Variants in HKDC1 observed in about 807,000 individuals in gnomAD.
The protein encoded by HKDC1 is hexokinase domain containing 1.
In HKDC1, 66 loss-of-function variants were observed where a neutral mutation model predicts 96.6. The ratio of observed to expected loss-of-function variants is 0.68; its 90% CI spans 0.56 to 0.84. HKDC1 has a LOEUF of 0.84. Ranked by LOEUF, HKDC1 falls within the 40% of genes least tolerant of loss-of-function variation. The probability of loss-of-function intolerance (pLI) is 0.00; values close to 1 mark genes in which losing one functional copy is unlikely to be tolerated. For synonymous variants in HKDC1, 466 were observed against 473.1 expected (o/e 0.98, Z 0.20); for missense variants, 1,211 against 1,208.1 (o/e 1.00, Z -0.04).
Position 69,248,731 on chromosome 10 carries a change from G to A in HKDC1, c.1570+3G>A. The A allele has an allele frequency of 6.3e-7, 1 of 1,593,912 alleles. No homozygotes were observed. The highest frequency in any genetic ancestry group is 8.6e-7 in the Non-Finnish European group (1 of 1,167,058). On this transcript the variant is annotated splice_donor_region_variant and intron_variant, in intron 10 of 17. Coordinates refer to ENST00000354624, the MANE Select transcript of HKDC1 (RefSeq NM_025130.4). ...CTGCGGGCTGCCGGACGGCACAGGT[G>A]GGCCAGCACAGCCTCCCTCTCTGAA...
intron 7 of HKDC1, among the ~76,000 whole-genome samples, chr10:69,245,570 CAATAATAATAATAAT>C (rs10646729): frequency 1.2e-3 from 170 of 139,386 alleles, no homozygotes; most frequent in Non-Finnish European, 1.6e-3. Context: ...ATCCTGTCTC[CAATAATAATAATAAT>C]AATAATAATA....
chr10:69,236,962 C>T (rs1396188893), intron 4 of HKDC1, among the ~76,000 whole-genome samples: 1 of 152,124 alleles, frequency 6.6e-6, no homozygotes, highest in African/African-American at 2.4e-5. Flanking sequence ...AATGTGGCCT[C>T]ATCTGGCAAA....
Position 69,258,949 on chromosome 10 carries a change from G to A in HKDC1, c.2206G>A (p.Gly736Ser), listed in dbSNP as rs941849531. ...GGTGGATGAGGGGTCCTTGAATCCT[G>A]GCAAGCAGAGGTGAAGAGGGTGGAT... is the stretch of plus-strand genomic sequence containing the variant. The part of the protein sequence containing the change: ...TEVDEGSLNP[G>S]KQRYEKMTSG... The change falls in exon 15 of 18, where the codon GGC becomes AGC. Residue 736 changes from glycine (G) to serine (S), a missense_variant. Gly to Ser is a moderately conservative substitution (Grantham distance 56). Coordinates refer to ENST00000354624, the MANE Select transcript of HKDC1 (RefSeq NM_025130.4). 9 of 1,576,708 alleles carry A rather than the reference G, an allele frequency of 5.7e-6. No individual in the cohort carries two copies. The highest frequency in any genetic ancestry group is 7.7e-6 in the Non-Finnish European group (9 of 1,163,080).
rs1013856901 is a variant in HKDC1, at chr10:69,265,688, T to C, written c.2476T>C (p.Ser826Pro). 2 of 1,613,492 alleles carry C rather than the reference T, an allele frequency of 1.2e-6. No individual in the cohort carries two copies. The highest frequency in any genetic ancestry group is 8.5e-7 in the Non-Finnish European group (1 of 1,179,870). Residue 826 changes from serine (S) to proline (P), a missense_variant, in exon 17 of 18, where the codon TCC becomes CCC. By Grantham distance (74) the Ser-to-Pro change is moderately conservative. Coordinates refer to ENST00000354624, the MANE Select transcript of HKDC1 (RefSeq NM_025130.4). Reference sequence around the variant, plus strand: ...GGTGAAGGAGGTGTGCGGAGCCGTGTCCCGGCGGGCGGCCCAGCTCTGCGG... The same window carrying C: ...GGTGAAGGAGGTGTGCGGAGCCGTGCCCCGGCGGGCGGCCCAGCTCTGCGG... ...IVVKEVCGAV[S>P]RRAAQLCGAG...
rs1418714598 is a variant in HKDC1, at chr10:69,250,404, C to T, written c.1685C>T (p.Pro562Leu). 5 of 1,613,956 alleles carry T rather than the reference C, an allele frequency of 3.1e-6. No individual in the cohort carries two copies. The highest frequency in any genetic ancestry group is 3.4e-6 in the Non-Finnish European group (4 of 1,179,826). Reference sequence around the variant, plus strand: ...ATGTACAACAAGATCTTCGCCATCCCCCTGGAGATCATGCAGGGCACTGGT... The same window carrying T: ...ATGTACAACAAGATCTTCGCCATCCTCCTGGAGATCATGCAGGGCACTGGT... ...VRMYNKIFAIPLEIMQGTGEE... is the reference protein window; with the variant it reads ...VRMYNKIFAILLEIMQGTGEE... The change falls in exon 11 of 18, where the codon CCC (proline) becomes CTC (leucine). Residue 562 changes from proline to leucine, a missense_variant. Coordinates refer to ENST00000354624, the MANE Select transcript of HKDC1 (RefSeq NM_025130.4).
In HKDC1 at chr10:69,261,166, C is replaced by G. The variant is rs759710449; in HGVS notation, c.2244C>G (p.Tyr748Ter). 6 of 1,613,916 alleles carry G rather than the reference C, an allele frequency of 3.7e-6. No homozygotes were observed. The highest frequency in any genetic ancestry group is 1.7e-5 in the Admixed American group (1 of 59,982). Residue 748 changes from tyrosine (Y) to a stop codon, truncating the protein, a stop_gained, in exon 16 of 18, where the codon TAC becomes TAG. Coordinates refer to ENST00000354624, the MANE Select transcript of HKDC1 (RefSeq NM_025130.4). LOFTEE classifies it high-confidence loss of function. ...ACGAGAAAATGACCAGTGGGATGTA[C>G]TTGGGGGAGATTGTGCGGCAGATCC... ...QRYEKMTSGMYLGEIVRQILI... is the reference protein window; with the variant it reads ...QRYEKMTSGM
At chr10:69,230,145 G>T (rs1983127) in intron 2 of HKDC1, among the ~76,000 whole-genome samples, 59,398 of 152,104 alleles carry the variant, frequency 0.39, 12,382 homozygotes, top group East Asian at 0.82. Context: ...TCAGGGGGCT[G>T]CAGTGGTCTG....
intron 2 of HKDC1, among the ~76,000 whole-genome samples, 170 bp downstream of exon 2, chr10:69,227,539 T>C (rs1231376154): frequency 6.7e-6 from 1 of 149,056 alleles, no homozygotes; most frequent in African/African-American, 2.4e-5. Flanking sequence ...CTTGCAGTTC[T>C]GCAGTTCTGC....
At chr10:69,266,503 G>A (rs1474478853) in intron 17 of HKDC1, 107 bp from the exon 18 acceptor site, 21 of 1,172,042 alleles carry the variant, frequency 1.8e-5, no homozygotes, top group Non-Finnish European at 2.4e-5. Flanking sequence ...TTAGAGCCTT[G>A]AAAAGCAAAC....
Position 69,265,597 on chromosome 10 carries a change from C to A in HKDC1, c.2385C>A (p.Ala795=). The A allele has an allele frequency of 2.5e-6, 4 of 1,613,528 alleles. No homozygotes were observed. Among genetic ancestry groups the A allele is most frequent in the Non-Finnish European group, 2.5e-6 (3 of 1,179,880 alleles). The change falls in exon 17 of 18, where the codon GCC becomes GCA. Residue 795 remains alanine (A), a synonymous_variant. Coordinates refer to ENST00000354624, the MANE Select transcript of HKDC1 (RefSeq NM_025130.4). The part of the protein sequence containing the change: ...FLSQIESDRL[A]LLQVRRILQQ... ...CTATTGCCTGCAGCGATCGGCTGGC[C>A]CTTCTCCAGGTCAGGAGGATTCTGC...
At chr10:69,263,832 A>G (rs1188885695) in intron 16 of HKDC1, among the ~76,000 whole-genome samples, 5 of 152,218 alleles carry the variant, frequency 3.3e-5, no homozygotes, top group Non-Finnish European at 5.9e-5. Context: ...TACAAATGTT[A>G]TTCATTCATT....
chr10:69,256,489 C>T (rs2132372070), intron 12 of HKDC1, among the ~76,000 whole-genome samples: 1 of 152,280 alleles, frequency 6.6e-6, no homozygotes, highest in South Asian at 2.1e-4. Flanking sequence ...GGCGGATCAC[C>T]TGAGGCCAGA....
chr10:69,259,859 A>T (rs1443268842), intron 15 of HKDC1, among the ~76,000 whole-genome samples: 5 of 152,208 alleles, frequency 3.3e-5, no homozygotes, highest in Admixed American at 6.5e-5. Flanking sequence ...CCCATGATCC[A>T]GTCACCTCCC....
intron 2 of HKDC1, chr10:69,232,446 G>A (rs968072422): frequency 1.8e-5 from 5 of 278,114 alleles, no homozygotes; most frequent in East Asian, 8.3e-5. Context: ...GGGCTCCACC[G>A]TCGAGGCCAC....
chr10:69,231,194 G>A (rs1843255145), intron 2 of HKDC1, among the ~76,000 whole-genome samples: 1 of 152,188 alleles, frequency 6.6e-6, no homozygotes, highest in South Asian at 2.1e-4. Context: ...CAGTGCAGCA[G>A]CCTCTTCTTT....
At position 69,247,447 on chromosome 10, in the gene HKDC1, T is replaced by A. The variant is rs563041413; in HGVS notation, c.1119T>A (p.His373Gln). 6.2e-7 allele frequency: 1 copy of A among 1,614,158 alleles called. No homozygotes were observed. The highest frequency in any genetic ancestry group is 1.1e-5 in the South Asian group (1 of 91,074). The change falls in exon 9 of 18, where the codon CAT (histidine) becomes CAA (glutamine). Residue 373 changes from histidine to glutamine, a missense_variant. His to Gln is a conservative substitution (Grantham distance 24). Transcript: ENST00000354624. ...AGGCTGACTGCATTGCCGTCCAGCA[T>A]GTCTGTACCATCGTCTCCTTCCGCT... ...PSEADCIAVQ[H>Q]VCTIVSFRSA...
At chr10:69,255,671 A>G (rs1843707596) in intron 12 of HKDC1, among the ~76,000 whole-genome samples, 1 of 152,092 alleles carries the variant, frequency 6.6e-6, no homozygotes, top group African/African-American at 2.4e-5. Flanking sequence ...AATCTCAGCA[A>G]TTTGGGAGGC....
In HKDC1 at chr10:69,220,650, G is replaced by C. The variant is rs143547685; in HGVS notation, c.63+152G>C. ...CAGTAAAAGACTCACTGAGGGAAGA[G>C]GGAGTAATTCTCCCACACTCCTGGG... On this transcript the variant is annotated intron_variant, in intron 1 of 17. Coordinates refer to ENST00000354624, the MANE Select transcript of HKDC1 (RefSeq NM_025130.4). 187 of 539,636 alleles carry C rather than the reference G, an allele frequency of 3.5e-4. 1 individual carries two copies. The East Asian group carries it at 6.2e-3, about 18-fold the overall frequency. 33.4% of individuals were successfully genotyped at this position (539,636 alleles called of 1,614,324 possible). A position where few individuals can be genotyped will look rare whatever the true frequency, so the allele number is the denominator to read the frequency against.
intron 2 of HKDC1, among the ~76,000 whole-genome samples, chr10:69,231,068 C>T (rs12358818): frequency 0.44 from 66,376 of 152,036 alleles, 14,898 homozygotes; most frequent in East Asian, 0.76. Context: ...CATGAAATGG[C>T]ACCTCGAGCC....
Sources: allele counts gnomAD v4.1 joint callset (sites outside exome capture counted in the v4.1 genomes callset), GRCh38; gene constraint gnomAD v4.1.1; transcripts MANE v1.5; gene names NCBI Gene and HGNC (gene_info 2026-07-23, HGNC 2026-07-21).